The following CUX1 variants were observed in gnomAD, a reference collection of about 807,000 sequenced individuals.
The protein encoded by CUX1 is cut like homeobox 1, also known as protein CASP.
Under a neutral mutation model 158.8 loss-of-function variants are expected in CUX1, and 31 were observed. That is an observed-to-expected ratio of 0.20 (90% confidence interval 0.15 to 0.26). The LOEUF is 0.26. CUX1 is among the 10% of genes least tolerant of loss of function. CUX1 has a pLI of 1.00. For synonymous variants in CUX1, 879 were observed against 862.1 expected, an observed-to-expected ratio of 1.02 and a Z score of -0.34; for missense variants, 1,589 against 2,014.6, an observed-to-expected ratio of 0.79 and a Z score of 4.04.
chr7:102,052,877 G>C (rs891765613), intron 3 of CUX1, among the ~76,000 whole-genome samples: 2 of 151,722 alleles, frequency 1.3e-5, no homozygotes, highest in African/African-American at 4.9e-5. Flanking sequence ...GTGTGATCTC[G>C]GCTCAGTGCA....
chr7:101,988,249 GC>G (rs1814595413), intron 2 of CUX1, among the ~76,000 whole-genome samples: 1 of 151,886 alleles, frequency 6.6e-6, no homozygotes, highest in Admixed American at 6.6e-5. Flanking sequence ...CCGTGAGTCA[GC>G]CCCGGTGTCT....
chr7:102,270,644 C>T (rs1229112952), intron 14 of CUX1, among the ~76,000 whole-genome samples: 1 of 152,238 alleles, frequency 6.6e-6, no homozygotes, highest in Non-Finnish European at 1.5e-5. Context: ...GCCACCTCTT[C>T]AGGGATGGCC....
chr7:102,149,195 G>T (rs187475878), intron 8 of CUX1, among the ~76,000 whole-genome samples: 159 of 152,048 alleles, frequency 1.0e-3, no homozygotes, highest in African/African-American at 3.6e-3. Flanking sequence ...CTAGACAGCC[G>T]TACCTCTCTA....
intron 8 of CUX1, among the ~76,000 whole-genome samples, chr7:102,127,380 T>C (rs1394164906): frequency 1.3e-5 from 2 of 151,970 alleles, no homozygotes; most frequent in Non-Finnish European, 2.9e-5. Context: ...CAGTTTTGTA[T>C]TTTTTGTAGA....
chr7:101,849,780 A>C (rs1291446019), intron 1 of CUX1, among the ~76,000 whole-genome samples: 1 of 152,044 alleles, frequency 6.6e-6, no homozygotes, highest in East Asian at 1.9e-4. Context: ...TGGCTGAACT[A>C]ATTTACACTC....
At chr7:102,045,780 T>C (rs1822703606) in intron 3 of CUX1, among the ~76,000 whole-genome samples, 1 of 152,236 alleles carries the variant, frequency 6.6e-6, no homozygotes, top group African/African-American at 2.4e-5. Context: ...TAACATCCTC[T>C]CGGTAACTGC....
chr7:102,199,443 C>T (rs782386349), intron 16 of CUX1, among the ~76,000 whole-genome samples: 3 of 152,226 alleles, frequency 2.0e-5, no homozygotes, highest in Non-Finnish European at 2.9e-5. Context: ...AGCCTCATTT[C>T]GTCGGCACGT....
chr7:102,248,747 C>T lies in CUX1; in HGVS notation c.4223C>T (p.Ala1408Val). ...GGGCCCCTGCCCAGCCCCGCCTCCG[C>T]GACCGCCACCGCCGCGCCCGCGGCC... ...GPGPLPSPAS[A>V]TATAAPAAPE... The change falls in exon 24 of 24, where the codon GCG becomes GTG. Residue 1408 changes from alanine to valine, a missense_variant. By Grantham distance (64) the Ala-to-Val change is moderately conservative (BLOSUM62 0). This residue lies in a region of CUX1 where 344 missense variants were observed against 323.7 expected (regional missense o/e 1.06). Coordinates refer to ENST00000292535, the MANE Select transcript of CUX1 (RefSeq NM_181552.4). This position sits in a 1 kb window ranked among gnomAD's most constrained non-coding sequence, Gnocchi z 5.8. 2 of 1,055,356 alleles carry T rather than the reference C, an allele frequency of 1.9e-6. No individual in the cohort carries two copies. The highest frequency in any genetic ancestry group is 2.3e-6 in the Non-Finnish European group (2 of 874,180). The allele number at this position is 1,055,356 out of a possible 1,614,324, so 65.4% of individuals were successfully genotyped here. A position where few individuals can be genotyped will look rare whatever the true frequency, so the allele number is the denominator to read the frequency against.
At chr7:101,915,342 GGAGCA>G (rs1232898130) in intron 1 of CUX1, among the ~76,000 whole-genome samples, 2 of 152,140 alleles carry the variant, frequency 1.3e-5, no homozygotes, top group African/African-American at 4.8e-5. Flanking sequence ...TTTGTTGCGG[GGAGCA>G]GAGCCCAGAG....
At chr7:102,215,103 G>A (rs551973573) in intron 20 of CUX1, among the ~76,000 whole-genome samples, 1 of 152,150 alleles carries the variant, frequency 6.6e-6, no homozygotes, top group South Asian at 2.1e-4. Flanking sequence ...TCGCCATCAG[G>A]CCTTCTCATT....
At chr7:102,200,236 CTG>C (rs2132017836) in intron 17 of CUX1, 64 bp downstream of exon 17, 1 of 1,356,198 alleles carries the variant, frequency 7.4e-7, no homozygotes, top group Non-Finnish European at 1.0e-6. Context: ...CATGAGTGCT[CTG>C]GTCAGCAGTA....
At chr7:102,228,089 T>C (rs1554529362) in intron 21 of CUX1, among the ~76,000 whole-genome samples, 1 of 151,806 alleles carries the variant, frequency 6.6e-6, no homozygotes, top group African/African-American at 2.4e-5. Context: ...TAGCTGGGAT[T>C]ACAGGTACCT....
chr7:101,972,822 CGCGTG>C (rs1249542924), intron 2 of CUX1, among the ~76,000 whole-genome samples: 2 of 152,162 alleles, frequency 1.3e-5, no homozygotes, highest in Non-Finnish European at 1.5e-5. Context: ...GGGAGCTCGC[CGCGTG>C]GTAACCAACA....
chr7:102,281,451 T>C (rs889855857), intron 20 of CUX1, among the ~76,000 whole-genome samples: 3 of 151,224 alleles, frequency 2.0e-5, no homozygotes, highest in Admixed American at 2.0e-4. Flanking sequence ...TCACCTGAGG[T>C]CTGGAGTTCG....
At chr7:101,876,153 C>T (rs946577521) in intron 1 of CUX1, among the ~76,000 whole-genome samples, 1 of 151,664 alleles carries the variant, frequency 6.6e-6, no homozygotes, top group African/African-American at 2.4e-5. Context: ...CGAGACTAGC[C>T]TGGCCAACAT....
chr7:102,080,662 C>T (rs999878649), intron 4 of CUX1, among the ~76,000 whole-genome samples: 5 of 152,202 alleles, frequency 3.3e-5, no homozygotes, highest in Non-Finnish European at 4.4e-5. Flanking sequence ...CTCCTCGCCA[C>T]CCTGCGCCCT....
intron 2 of CUX1, among the ~76,000 whole-genome samples, chr7:101,996,977 G>A (rs970187658): frequency 3.2e-4 from 48 of 151,698 alleles, no homozygotes; most frequent in African/African-American, 1.1e-3. Flanking sequence ...GCTCCCCTGC[G>A]CTCGTGTGCA....
chr7:101,882,057 G>A (rs977617323), intron 1 of CUX1, among the ~76,000 whole-genome samples: 12 of 150,990 alleles, frequency 7.9e-5, no homozygotes, highest in Admixed American at 4.6e-4. Context: ...GGTGGTGCAC[G>A]CCTGTAGTCC....
In CUX1 at chr7:102,196,744, A is replaced by G. The variant is rs1554518463; in HGVS notation, c.1333A>G (p.Thr445Ala). The G allele has an allele frequency of 6.2e-6, 10 of 1,613,832 alleles. No individual in the cohort carries two copies. Among genetic ancestry groups the G allele is most frequent in the Non-Finnish European group, 8.5e-6 (10 of 1,179,908 alleles). ...PRNPGEQASNTNGTHQFSPAG... is the reference protein window; with the variant it reads ...PRNPGEQASNANGTHQFSPAG... ...CAACCCGGGGGAGCAGGCTTCCAAT[A>G]CTAATGGTACACACCAGTTCTCACC... Residue 445 changes from threonine to alanine, a missense_variant, in exon 15 of 24, where the codon ACT becomes GCT. Thr to Ala is a moderately conservative substitution (Grantham distance 58). This residue lies in a region of CUX1 where 515 missense variants were observed against 574.4 expected (regional missense o/e 0.90). Coordinates refer to ENST00000292535, the MANE Select transcript of CUX1 (RefSeq NM_181552.4).
Sources: allele counts gnomAD v4.1 joint callset (sites outside exome capture counted in the v4.1 genomes callset), GRCh38; gene constraint gnomAD v4.1.1; regional missense constraint gnomAD v4.1.1; non-coding constraint Gnocchi (gnomAD v3.1); transcripts MANE v1.5; gene names NCBI Gene and HGNC (gene_info 2026-07-23, HGNC 2026-07-21).